Variants in JAZF1 observed in about 807,000 individuals in gnomAD.
The protein encoded by JAZF1 is JAZF zinc finger 1, also known as juxtaposed with another zinc finger protein 1.
Under a neutral mutation model 26.4 loss-of-function variants are expected in JAZF1, and 8 were observed. The ratio of observed to expected loss-of-function variants is 0.30; its 90% CI spans 0.18 to 0.55. The LOEUF is 0.55. Ranked by LOEUF, JAZF1 falls within the 20% of genes least tolerant of loss-of-function variation. The pLI is 0.94. For missense variants in JAZF1, 199 were observed against 322.0 expected, an observed-to-expected ratio of 0.62 and a Z score of 2.92; for synonymous variants, 126 against 122.3, an observed-to-expected ratio of 1.03 and a Z score of -0.20.
At position 27,831,787 on chromosome 7, in the gene JAZF1, G is replaced by C. The variant is rs577280379; in HGVS notation, c.*1013C>G. ...TCTTTGAAACGTGCTTAGAATTTTA[G>C]TTCTGATTTGCAACCCACAGGTTTG... is the stretch of plus-strand genomic sequence containing the variant. On this transcript the variant is annotated 3_prime_UTR_variant, in exon 5 of 5. Coordinates refer to ENST00000283928, the MANE Select transcript of JAZF1 (RefSeq NM_175061.4). 1.4e-5 allele frequency: 3 copies of C among 221,578 alleles called. No homozygotes were observed. Among genetic ancestry groups the C allele is most frequent in the Non-Finnish European group, 2.7e-5 (3 of 110,694 alleles). 13.7% of individuals were successfully genotyped at this position (221,578 alleles called of 1,614,324 possible).
rs1464125692 is a variant in JAZF1, at chr7:27,922,673, G to GT, written c.189-27258_189-27257insA. Among the ~76,000 whole-genome samples the GT allele has an allele frequency of 5.6e-4, 77 of 138,054 alleles. 1 individual carries two copies. In the South Asian group the frequency reaches 8.2e-3, roughly 15 times the overall value. 90.6% of individuals were successfully genotyped at this position (138,054 alleles called of 152,430 possible). On this transcript the variant is annotated intron_variant, in intron 2 of 4. Coordinates refer to ENST00000283928, the MANE Select transcript of JAZF1 (RefSeq NM_175061.4). The stretch of plus-strand genomic sequence containing the variant: ...AAAGTACTAACAGCTTTTAATAATG[G>GT]GTTTTTTTTTGCATAATAGTCAAGA...
chr7:28,070,004 T>A (rs1010220890), intron 1 of JAZF1, among the ~76,000 whole-genome samples: 3 of 152,092 alleles, frequency 2.0e-5, no homozygotes, highest in African/African-American at 7.2e-5. Flanking sequence ...TGCCTTTCTC[T>A]CCCTGCTCAC....
chr7:28,159,902 C>A (rs722724), intron 1 of JAZF1, among the ~76,000 whole-genome samples: 2 of 151,964 alleles, frequency 1.3e-5, no homozygotes, highest in Non-Finnish European at 2.9e-5. Flanking sequence ...CCCTTATAAG[C>A]GAAACCATAA....
chr7:28,151,103 A>G (rs1783105295), intron 1 of JAZF1, among the ~76,000 whole-genome samples: 2 of 87,760 alleles, frequency 2.3e-5, no homozygotes, highest in South Asian at 6.8e-4. Flanking sequence ...CGATATATAT[A>G]TATATATATT....
chr7:27,991,827 C>T lies in JAZF1; in HGVS notation c.188+82G>A, dbSNP rs536473709. The T allele has an allele frequency of 5.3e-5, 41 of 773,878 alleles. No individual in the cohort carries two copies. In the East Asian group the frequency reaches 9.7e-4, roughly 18 times the overall value. 47.9% of individuals were successfully genotyped at this position (773,878 alleles called of 1,614,324 possible). On this transcript the variant is annotated intron_variant, in intron 2 of 4. Transcript: ENST00000283928. The stretch of plus-strand genomic sequence containing the variant: ...TATTTTAAGACTGAAAACATTTTTC[C>T]ACTCTGTTAAAAAAGATGTGTTTAA...
intron 2 of JAZF1, among the ~76,000 whole-genome samples, chr7:27,906,789 A>C (rs573843259): frequency 8.5e-5 from 13 of 152,172 alleles, no homozygotes; most frequent in Non-Finnish European, 1.6e-4. Context: ...TTCTACCCTC[A>C]TTGAATTGCA....
intron 1 of JAZF1, among the ~76,000 whole-genome samples, chr7:28,179,251 T>A (rs1783595060): frequency 6.6e-6 from 1 of 152,210 alleles, no homozygotes; most frequent in Non-Finnish European, 1.5e-5. Context: ...CGGTCACACC[T>A]TCCGCAGGTG....
At chr7:28,177,430 T>C (rs770861548) in intron 1 of JAZF1, among the ~76,000 whole-genome samples, 3 of 152,134 alleles carry the variant, frequency 2.0e-5, no homozygotes, top group Non-Finnish European at 2.9e-5. Flanking sequence ...AAACTAAACA[T>C]AATACTTTTA....
intron 2 of JAZF1, among the ~76,000 whole-genome samples, chr7:27,897,101 A>G (rs1023167931): frequency 2.6e-5 from 4 of 152,096 alleles, no homozygotes; most frequent in African/African-American, 9.7e-5. Context: ...TATTATCCTA[A>G]GAAGAACTGC....
chr7:27,904,595 A>G (rs190922161), intron 2 of JAZF1, among the ~76,000 whole-genome samples: 21 of 152,248 alleles, frequency 1.4e-4, no homozygotes, highest in African/African-American at 4.8e-4. Flanking sequence ...CTTATCCCAG[A>G]GTTATTTCTG....
At chr7:28,041,120 G>C (rs1783382872) in intron 1 of JAZF1, among the ~76,000 whole-genome samples, 1 of 152,156 alleles carries the variant, frequency 6.6e-6, no homozygotes. Flanking sequence ...TGTGTAATCA[G>C]AGAGAGTATT....
chr7:28,062,033 C>T (rs1783805518), intron 1 of JAZF1, among the ~76,000 whole-genome samples: 1 of 152,186 alleles, frequency 6.6e-6, no homozygotes, highest in South Asian at 2.1e-4. Flanking sequence ...TTACTGAGTA[C>T]TTCAGTTACA....
chr7:28,009,700 G>C (rs1341139464), intron 1 of JAZF1, among the ~76,000 whole-genome samples: 1 of 152,090 alleles, frequency 6.6e-6, no homozygotes. Context: ...AGCCAGGCTG[G>C]TCTCGATCTC....
intron 1 of JAZF1, among the ~76,000 whole-genome samples, chr7:28,163,068 T>C (rs557099689): frequency 6.6e-6 from 1 of 152,316 alleles, no homozygotes; most frequent in African/African-American, 2.4e-5. Context: ...ATAACAATAA[T>C]AGAATGCTGC....
chr7:27,994,302 A>G (rs1349041116), intron 1 of JAZF1, among the ~76,000 whole-genome samples: 2 of 152,176 alleles, frequency 1.3e-5, no homozygotes, highest in African/African-American at 4.8e-5. Flanking sequence ...TTTATTTGCA[A>G]AGCAAGGTTT....
At chr7:28,152,474 C>T (rs113911202) in intron 1 of JAZF1, among the ~76,000 whole-genome samples, 95 of 152,300 alleles carry the variant, frequency 6.2e-4, no homozygotes, top group African/African-American at 2.2e-3. Flanking sequence ...ACACCTTTTC[C>T]TCTCCCAAAC....
At chr7:27,898,847 T>G (rs1457231426) in intron 2 of JAZF1, among the ~76,000 whole-genome samples, 1 of 152,104 alleles carries the variant, frequency 6.6e-6, no homozygotes, top group African/African-American at 2.4e-5. Context: ...TTCTCCCTCC[T>G]CTCTTGGTGT....
intron 1 of JAZF1, among the ~76,000 whole-genome samples, chr7:27,996,107 CAAGTCT>C (rs1786010139): frequency 1.3e-5 from 2 of 152,168 alleles, no homozygotes; most frequent in Non-Finnish European, 2.9e-5. Flanking sequence ...GTGCTCTTGT[CAAGTCT>C]AAACGAAAAC....
At chr7:27,878,652 G>T (rs541103981) in intron 3 of JAZF1, among the ~76,000 whole-genome samples, 1 of 152,096 alleles carries the variant, frequency 6.6e-6, no homozygotes, top group Non-Finnish European at 1.5e-5. Context: ...GGAGGAGTTC[G>T]GGGCAGTAAC....
Sources: allele counts gnomAD v4.1 joint callset (sites outside exome capture counted in the v4.1 genomes callset), GRCh38; gene constraint gnomAD v4.1.1; transcripts MANE v1.5; gene names NCBI Gene and HGNC (gene_info 2026-07-23, HGNC 2026-07-21).